The following CELF4 variants were observed in gnomAD, a reference collection of about 807,000 sequenced individuals.
The protein encoded by CELF4 is CUGBP Elav-like family member 4.
A neutral mutation model predicts 59.9 loss-of-function variants in CELF4; 18 were observed. That is an observed-to-expected ratio of 0.30 (90% CI 0.21 to 0.45). The LOEUF (loss-of-function observed/expected upper bound fraction) is 0.45. Among genes scored for constraint, CELF4 ranks in the 20% least tolerant of loss-of-function variants. The pLI is 1.00. For missense variants in CELF4, 456 were observed against 689.0 expected (o/e 0.66, Z 3.79); for synonymous variants, 261 against 267.1 (o/e 0.98, Z 0.22).
chr18:37,430,734 C>G (rs919821020), intron 2 of CELF4, among the ~76,000 whole-genome samples: 1 of 152,208 alleles, frequency 6.6e-6, no homozygotes, highest in African/African-American at 2.4e-5. Context: ...GGCTCGGGCC[C>G]CCTGGTAGCT....
At chr18:37,558,240 G>T (rs1377361562) in intron 1 of CELF4, among the ~76,000 whole-genome samples, 2 of 151,928 alleles carry the variant, frequency 1.3e-5, no homozygotes, top group Admixed American at 6.6e-5. Flanking sequence ...TTCCTTCTTT[G>T]TTCCTGTGGG....
rs555182533 is a variant in CELF4 at position 37,390,073 on chromosome 18, C to A, written c.370-68192G>T. Among the ~76,000 whole-genome samples the A allele has an allele frequency of 1.6e-4, 24 of 152,346 alleles. No individual in the cohort carries two copies. The South Asian group carries it at 4.6e-3, about 29-fold the overall frequency. ...GGCACAGCAGCTCTCTGCCAGCCAG[C>A]CCTGTTGGGATGGCCCCTCTGCCCC... On this transcript the variant is annotated intron_variant, in intron 2 of 12. Transcript: ENST00000420428.
rs61747880 is a variant in CELF4, at chr18:37,532,228, C to T, written c.286+33128G>A. Among the ~76,000 whole-genome samples, 320 of 152,346 alleles carry T rather than the reference C, an allele frequency of 2.1e-3. 2 individuals carry two copies. The highest frequency in any genetic ancestry group is 6.3e-3 in the African/African-American group (264 of 41,580). On this transcript the variant is annotated intron_variant, in intron 1 of 12. Transcript: ENST00000420428. ...TCAAGGCCAAGATCGAAGGACACCC[C>T]GTGCAGCAGCTCCCCAAGTCAGCCC...
chr18:37,438,090 C>T (rs1225257140), intron 2 of CELF4, among the ~76,000 whole-genome samples: 2 of 152,204 alleles, frequency 1.3e-5, no homozygotes, highest in Non-Finnish European at 2.9e-5. Flanking sequence ...TCTGCTAGCA[C>T]CTTGATTTTG....
chr18:37,314,588 A>T (rs2096793767), intron 3 of CELF4, among the ~76,000 whole-genome samples: 3 of 152,168 alleles, frequency 2.0e-5, no homozygotes, highest in Non-Finnish European at 2.9e-5. Flanking sequence ...GGGTAGGGGA[A>T]CATAAAAGAT....
intron 3 of CELF4, among the ~76,000 whole-genome samples, chr18:37,288,064 A>G (rs1371586957): frequency 1.3e-5 from 2 of 152,174 alleles, no homozygotes; most frequent in African/African-American, 2.4e-5. Context: ...TTCAAGACCT[A>G]TCTTGAACCA....
chr18:37,517,459 G>A (rs548195800), intron 1 of CELF4, among the ~76,000 whole-genome samples: 16 of 152,218 alleles, frequency 1.1e-4, no homozygotes, highest in South Asian at 4.1e-4. Context: ...AGCTCAGTCT[G>A]CTTCCCTACC....
At chr18:37,546,541 G>A (rs2099981470) in intron 1 of CELF4, among the ~76,000 whole-genome samples, 1 of 152,210 alleles carries the variant, frequency 6.6e-6, no homozygotes, top group Admixed American at 6.5e-5. Flanking sequence ...GGGAGGGAAA[G>A]GGTCGGGCTC....
Position 37,289,181 on chromosome 18 carries a change from G to A in CELF4, c.449-13938C>T, listed in dbSNP as rs1037775561. Among the ~76,000 whole-genome samples the A allele has an allele frequency of 1.6e-4, 25 of 152,248 alleles. 1 individual carries two copies. Among genetic ancestry groups the A allele is most frequent in the African/African-American group, 5.3e-4 (22 of 41,540 alleles). ...GGGGGATCGTGGGGTGAGAAGGGAT[G>A]GGGGCTGGCAGAGGGGGCAGTACAC... On this transcript the variant is annotated intron_variant, in intron 3 of 12. Transcript: ENST00000420428.
At chr18:37,307,613 A>G (rs939558225) in intron 3 of CELF4, among the ~76,000 whole-genome samples, 1 of 151,548 alleles carries the variant, frequency 6.6e-6, no homozygotes, top group Admixed American at 6.6e-5. Context: ...GGGGGTGGGG[A>G]GACGACAGAG....
In CELF4 at chr18:37,253,653, C is replaced by T; in HGVS notation, c.*44+114G>A. 2.8e-6 allele frequency: 2 copies of T among 726,802 alleles called. No homozygotes were observed. Among genetic ancestry groups the T allele is most frequent in the Middle Eastern group, 4.4e-4 (1 of 2,250 alleles). The allele number at this position is 726,802 out of a possible 1,614,324, so 45.0% of individuals were successfully genotyped here. ...AGGGCGAGGAGCAGGTTGAGCCGGG[C>T]GCAGCGGGTCCAAGGCACCAGTGAG... On this transcript the variant is annotated intron_variant, in intron 12 of 12. Coordinates refer to ENST00000420428, the MANE Select transcript of CELF4 (RefSeq NM_020180.4). The surrounding 1 kb of genome is among the most constrained non-coding windows in gnomAD (Gnocchi z 4.5).
At position 37,244,501 on chromosome 18, in the gene CELF4, A is replaced by G. The variant is rs2061364375; in HGVS notation, c.*741T>C. On this transcript the variant is annotated 3_prime_UTR_variant, in exon 13 of 13. Transcript: ENST00000420428. ...ATGAGGGTCATCAAAGCGCCTCTCA[A>G]AGTATCAAAGAACTATTATCTTGCT... 1 of 152,638 alleles carries G rather than the reference A, an allele frequency of 6.6e-6. No individual in the cohort carries two copies. The highest frequency in any genetic ancestry group is 2.4e-5 in the African/African-American group (1 of 41,466). The allele number at this position is 152,638 out of a possible 1,614,324, so 9.5% of individuals were successfully genotyped here. A position where few individuals can be genotyped will look rare whatever the true frequency, so the allele number is the denominator to read the frequency against.
chr18:37,313,795 A>C (rs1278486813), intron 3 of CELF4, among the ~76,000 whole-genome samples: 1 of 152,264 alleles, frequency 6.6e-6, no homozygotes, highest in Non-Finnish European at 1.5e-5. Context: ...TGGAGGGGCC[A>C]GGAGGATGCA....
chr18:37,451,393 G>A (rs2099763451), intron 2 of CELF4, among the ~76,000 whole-genome samples: 1 of 152,150 alleles, frequency 6.6e-6, no homozygotes, highest in Non-Finnish European at 1.5e-5. Flanking sequence ...GTGTGCATGT[G>A]TCTCTGTGCA....
intron 3 of CELF4, among the ~76,000 whole-genome samples, chr18:37,297,578 A>G (rs2095730812): frequency 6.6e-6 from 1 of 152,228 alleles, no homozygotes; most frequent in Admixed American, 6.5e-5. Context: ...AAACAGTGAC[A>G]TGCGTACATC....
chr18:37,425,255 G>C (rs2099604661), intron 2 of CELF4, among the ~76,000 whole-genome samples: 1 of 152,242 alleles, frequency 6.6e-6, no homozygotes, highest in Non-Finnish European at 1.5e-5. Flanking sequence ...TCGTGTGTGG[G>C]CTGATGACAG....
chr18:37,549,018 A>G (rs889714881), intron 1 of CELF4, among the ~76,000 whole-genome samples: 3 of 152,170 alleles, frequency 2.0e-5, no homozygotes, highest in Admixed American at 6.5e-5. Context: ...GCGTGGAAAC[A>G]GCCCTCCCCT....
chr18:37,527,540 G>T (rs979635224), intron 1 of CELF4, among the ~76,000 whole-genome samples: 1 of 152,084 alleles, frequency 6.6e-6, no homozygotes, highest in Admixed American at 6.6e-5. Context: ...TAGTGAAGCT[G>T]CTGGGACAAG....
At chr18:37,351,657 C>A (rs2098444859) in intron 2 of CELF4, among the ~76,000 whole-genome samples, 1 of 144,012 alleles carries the variant, frequency 6.9e-6, no homozygotes, top group African/African-American at 2.6e-5. Flanking sequence ...ATCGCCCAGG[C>A]TGGAGTGCAG....
Sources: gnomAD v4.1 joint callset for allele counts (sites outside exome capture counted in the v4.1 genomes callset) on GRCh38, gnomAD v4.1.1 for gene constraint, Gnocchi (gnomAD v3.1) non-coding constraint, MANE v1.5 for transcripts, NCBI Gene and HGNC (gene_info 2026-07-23, HGNC 2026-07-21) for gene names.